The following CWH43 variants were observed in gnomAD, a reference collection of about 807,000 sequenced individuals.
CWH43 encodes PGAP2-interacting protein.
CWH43 carries 91 observed loss-of-function variants against 85.7 expected under a neutral mutation model. The observed-to-expected ratio is 1.06, with a 90% CI of 0.90 to 1.26. CWH43 has a LOEUF of 1.26. Among genes scored for constraint, CWH43 ranks in the 50% most tolerant of loss-of-function variants. CWH43 has a pLI of 0.00. For synonymous variants in CWH43, 323 were observed against 293.6 expected, an observed-to-expected ratio of 1.10 and a Z score of -1.02; for missense variants, 869 against 839.2, an observed-to-expected ratio of 1.04 and a Z score of -0.44.
At chr4:49,019,286 ACTGT>A (rs1268015354) in intron 9 of CWH43, among the ~76,000 whole-genome samples, 2 of 152,282 alleles carry the variant, frequency 1.3e-5, no homozygotes, top group African/African-American at 4.8e-5. Flanking sequence ...ATTAGAGAAA[ACTGT>A]CTGAGGAGGT....
intron 9 of CWH43, among the ~76,000 whole-genome samples, chr4:49,018,526 A>C (rs1289770187): frequency 2.0e-5 from 3 of 152,248 alleles, no homozygotes; most frequent in Non-Finnish European, 4.4e-5. Flanking sequence ...CTTGACAGGT[A>C]GTAAAACTTT....
intron 14 of CWH43, among the ~76,000 whole-genome samples, chr4:49,048,844 T>C (rs1296152202): frequency 6.6e-6 from 1 of 152,156 alleles, no homozygotes; most frequent in Non-Finnish European, 1.5e-5. Context: ...ATTTTAAAAA[T>C]TCCCACATTA....
chr4:49,056,019 T>C (rs1784945872), intron 15 of CWH43, among the ~76,000 whole-genome samples: 2 of 146,890 alleles, frequency 1.4e-5, no homozygotes, highest in South Asian at 4.5e-4. Context: ...CACCCACTAC[T>C]GTGTCATCTA....
intron 9 of CWH43, among the ~76,000 whole-genome samples, chr4:49,017,713 G>A (rs1319247850): frequency 6.6e-6 from 1 of 152,166 alleles, no homozygotes; most frequent in Non-Finnish European, 1.5e-5. Context: ...AGAAAGCATG[G>A]AGGTATCTGT....
chr4:48,993,678 C>T (rs1320663937), intron 4 of CWH43, among the ~76,000 whole-genome samples: 2 of 152,182 alleles, frequency 1.3e-5, no homozygotes, highest in Admixed American at 6.5e-5. Context: ...AGCTACACTG[C>T]CTAAGCTCCA....
intron 14 of CWH43, among the ~76,000 whole-genome samples, chr4:49,048,340 GTGTATATATATATACACTC>G (rs937333716): frequency 6.7e-6 from 1 of 150,122 alleles, no homozygotes; most frequent in African/African-American, 2.4e-5. Context: ...ATCACTCTGT[GTGTATATATATATACACTC>G]TGTATATATA....
At chr4:48,994,850 A>G in intron 5 of CWH43, 30 bp downstream of exon 5, 1 of 1,588,834 alleles carries the variant, frequency 6.3e-7, no homozygotes, top group South Asian at 1.1e-5. Context: ...CAATCACAAA[A>G]TCGGCAGTTA....
chr4:49,035,082 C>T (rs776570779), intron 12 of CWH43, among the ~76,000 whole-genome samples: 40 of 152,140 alleles, frequency 2.6e-4, no homozygotes, highest in Admixed American at 1.2e-3. Context: ...TCCCAACAAG[C>T]GACATAGGAA....
rs185513704 is a variant in CWH43 at position 49,023,672 on chromosome 4, C to T, written c.1267-4957C>T. ...GATTACAGGCATGAGCCACTGCACC[C>T]GGTTGATTTCTAATTTTATTCCATT... On this transcript the variant is annotated intron_variant, in intron 9 of 15. Transcript: ENST00000226432. 9.2e-5 allele frequency among the ~76,000 whole-genome samples: 14 copies of T among 152,250 alleles called. No homozygotes were observed. In the South Asian group the frequency reaches 1.2e-3, roughly 14 times the overall value.
At chr4:49,018,531 A>G (rs560033649) in intron 9 of CWH43, among the ~76,000 whole-genome samples, 13 of 152,300 alleles carry the variant, frequency 8.5e-5, no homozygotes, top group African/African-American at 3.1e-4. Flanking sequence ...CAGGTAGTAA[A>G]ACTTTTCTTG....
intron 13 of CWH43, among the ~76,000 whole-genome samples, chr4:49,043,562 G>A (rs1266257756): frequency 6.6e-6 from 1 of 152,184 alleles, no homozygotes; most frequent in Non-Finnish European, 1.5e-5. Context: ...TTAATGTGGA[G>A]AAGAGTTTTA....
rs779799485 is a variant in CWH43 at position 48,986,580 on chromosome 4, C to T, written c.43+108C>T. ...CTGAGTTCAGGTAGGAGGAAAAGGG[C>T]GCTCCGTGCCCAGAGTGGAGATGCT... On this transcript the variant is annotated intron_variant, in intron 1 of 15. Coordinates refer to ENST00000226432, the MANE Select transcript of CWH43 (RefSeq NM_025087.3). The T allele has an allele frequency of 6.6e-6, 10 of 1,523,824 alleles. No homozygotes were observed. The African/African-American group carries it at 1.3e-4, about 19-fold the overall frequency. 94.4% of individuals were successfully genotyped at this position (1,523,824 alleles called of 1,614,324 possible). A position where few individuals can be genotyped will look rare whatever the true frequency, so the allele number is the denominator to read the frequency against.
intron 14 of CWH43, 41 bp from the exon 15 acceptor site, chr4:49,050,653 A>G (rs1401250893): frequency 1.9e-6 from 3 of 1,547,030 alleles, no homozygotes; most frequent in Admixed American, 3.7e-5. Flanking sequence ...ATTTCTATAC[A>G]ATAATAAAAC....
In CWH43 at chr4:48,998,496, G is replaced by C. The variant is rs140373008; in HGVS notation, c.750G>C (p.Met250Ile). The change falls in exon 6 of 16, where the codon ATG becomes ATC. Residue 250 changes from methionine to isoleucine, a missense_variant. Transcript: ENST00000226432. ...AVLLCLASGL[M>I]LPSCLWFRGT... ...TGCTGTGCTTGGCAAGTGGATTGAT[G>C]CTTCCATCTTGTTTGTGGTTTCGTG... The C allele has an allele frequency of 2.5e-6, 4 of 1,613,848 alleles. No homozygotes were observed. In the African/African-American group the frequency reaches 5.3e-5, roughly 22 times the overall value.
At chr4:49,044,238 T>G (rs1784552446) in intron 13 of CWH43, among the ~76,000 whole-genome samples, 1 of 152,168 alleles carries the variant, frequency 6.6e-6, no homozygotes, top group Non-Finnish European at 1.5e-5. Flanking sequence ...AGACTCATGA[T>G]TGCTCCCCAG....
chr4:48,992,584 A>G lies in CWH43; in HGVS notation c.511+494A>G, dbSNP rs1445800810. On this transcript the variant is annotated intron_variant, in intron 4 of 15. Transcript: ENST00000226432. The surrounding 1 kb of genome is among the most constrained non-coding windows in gnomAD (Gnocchi z 4.3). Reference sequence around the variant, plus strand: ...ATTGAAAAGATAAGAAACCTTGCATATGCATACTGACTTTCCAATCACCTG... The same window carrying G: ...ATTGAAAAGATAAGAAACCTTGCATGTGCATACTGACTTTCCAATCACCTG... Among the ~76,000 whole-genome samples, 1 of 152,178 alleles carries G rather than the reference A, an allele frequency of 6.6e-6. No homozygotes were observed. The highest frequency in any genetic ancestry group is 2.1e-4 in the South Asian group (1 of 4,830).
intron 5 of CWH43, among the ~76,000 whole-genome samples, chr4:48,997,446 G>A (rs1782849563): frequency 6.6e-6 from 1 of 152,094 alleles, no homozygotes; most frequent in Non-Finnish European, 1.5e-5. Flanking sequence ...GTTGTTCATT[G>A]ATGCATCCCA....
At chr4:49,052,769 A>G (rs1445362752) in intron 15 of CWH43, among the ~76,000 whole-genome samples, 3 of 152,248 alleles carry the variant, frequency 2.0e-5, no homozygotes, top group Non-Finnish European at 4.4e-5. Flanking sequence ...AACTGTGATG[A>G]GAATATTTAA....
At chr4:48,990,407 A>G (rs1782623528) in intron 2 of CWH43, among the ~76,000 whole-genome samples, 1 of 151,418 alleles carries the variant, frequency 6.6e-6, no homozygotes, top group Non-Finnish European at 1.5e-5. Flanking sequence ...TTGTCTTAAA[A>G]CTCCCTTCAA....
Sources: allele counts gnomAD v4.1 joint callset (sites outside exome capture counted in the v4.1 genomes callset), GRCh38; gene constraint gnomAD v4.1.1; non-coding constraint Gnocchi (gnomAD v3.1); transcripts MANE v1.5; gene names NCBI Gene and HGNC (gene_info 2026-07-23, HGNC 2026-07-21).